The following PGM5 variants were observed in gnomAD, a reference collection of about 807,000 sequenced individuals.
PGM5 encodes the protein phosphoglucomutase-like protein 5.
In PGM5, 23 loss-of-function variants were observed where a neutral mutation model predicts 59.2. The ratio of observed to expected loss-of-function variants is 0.39; its 90% confidence interval spans 0.28 to 0.55. The LOEUF is 0.55. Among genes scored for constraint, PGM5 ranks in the 20% least tolerant of loss-of-function variants. The pLI, the probability that PGM5 is intolerant of heterozygous loss-of-function variation, is 0.66. For missense variants in PGM5, 574 were observed against 748.3 expected, an observed-to-expected ratio of 0.77 and a Z score of 2.72; for synonymous variants, 214 against 286.0, an observed-to-expected ratio of 0.75 and a Z score of 2.54.
intron 6 of PGM5, among the ~76,000 whole-genome samples, chr9:68,413,102 A>T (rs1822961671): frequency 6.6e-6 from 1 of 152,228 alleles, no homozygotes; most frequent in Non-Finnish European, 1.5e-5. Context: ...AATGGGTCAA[A>T]ATATGGACAT....
At chr9:68,498,956 GC>G in intron 9 of PGM5, 1 of 390,184 alleles carries the variant, frequency 2.6e-6, no homozygotes, top group Non-Finnish European at 4.7e-6. Context: ...CATATCACCA[GC>G]CCAAGAGAAC....
Position 68,528,044 on chromosome 9 carries a change from T to C in PGM5, c.1615-1523T>C, listed in dbSNP as rs181614986. Among the ~76,000 whole-genome samples the C allele has an allele frequency of 6.6e-5, 10 of 152,300 alleles. 1 individual carries two copies. The highest frequency in any genetic ancestry group is 2.6e-4 in the Admixed American group (4 of 15,296). ...TTTCCTTGTGTTCCTGTTGTGTGGATTGGAATGTGTGCACTCCCTTTATGC... is the reference window on the plus strand; with the variant it reads ...TTTCCTTGTGTTCCTGTTGTGTGGACTGGAATGTGTGCACTCCCTTTATGC... On this transcript the variant is annotated intron_variant, in intron 10 of 10. Transcript: ENST00000396396.
chr9:68,392,520 G>A (rs375794494), intron 6 of PGM5, 47 bp downstream of exon 6: 73 of 1,600,038 alleles, frequency 4.6e-5, no homozygotes, highest in African/African-American at 8.1e-5. Flanking sequence ...GACCTTTGGC[G>A]TTGATGTCTC....
At chr9:68,367,462 G>A (rs541925143) in intron 1 of PGM5, among the ~76,000 whole-genome samples, 2 of 152,312 alleles carry the variant, frequency 1.3e-5, no homozygotes, top group South Asian at 2.1e-4. Flanking sequence ...CTGCTGAGTC[G>A]TCTGAAAATG....
intron 4 of PGM5, among the ~76,000 whole-genome samples, chr9:68,390,097 G>T (rs1822326986): frequency 6.6e-6 from 1 of 151,784 alleles, no homozygotes; most frequent in South Asian, 2.1e-4. Flanking sequence ...TGGCTTTCTG[G>T]CATATTTAAG....
intron 6 of PGM5, among the ~76,000 whole-genome samples, chr9:68,422,891 C>G: frequency 6.6e-6 from 1 of 152,210 alleles, no homozygotes. Flanking sequence ...CCCTTTCCCC[C>G]GTGTCCCCAA....
intron 6 of PGM5, among the ~76,000 whole-genome samples, chr9:68,451,260 G>A (rs527887003): frequency 2.6e-4 from 39 of 152,278 alleles, no homozygotes; most frequent in Non-Finnish European, 4.4e-4. Context: ...GATTAACTGC[G>A]TAATTGAATA....
At chr9:68,379,095 C>T (rs572814213) in intron 2 of PGM5, among the ~76,000 whole-genome samples, 3 of 152,292 alleles carry the variant, frequency 2.0e-5, no homozygotes, top group Non-Finnish European at 2.9e-5. Context: ...TGCTGCATGA[C>T]TGTGCTAACA....
Position 68,394,783 on chromosome 9 carries a change from T to C in PGM5, c.1043+2310T>C, listed in dbSNP as rs532740239. 7.2e-5 allele frequency among the ~76,000 whole-genome samples: 11 copies of C among 151,972 alleles called. No individual in the cohort carries two copies. The East Asian group carries it at 1.4e-3, about 19-fold the overall frequency. ...CTACACATGCGCCATCATACCCAGTTAATTTTAAAAACATTTTTTGTAGAA... is the reference window on the plus strand; with the variant it reads ...CTACACATGCGCCATCATACCCAGTCAATTTTAAAAACATTTTTTGTAGAA... On this transcript the variant is annotated intron_variant, in intron 6 of 10. Coordinates refer to ENST00000396396, the MANE Select transcript of PGM5 (RefSeq NM_021965.4).
chr9:68,501,533 A>T (rs1824573221), intron 10 of PGM5, among the ~76,000 whole-genome samples: 1 of 152,070 alleles, frequency 6.6e-6, no homozygotes, highest in Non-Finnish European at 1.5e-5. Context: ...CCTTTGATTA[A>T]CTGTTGAACA....
intron 10 of PGM5, among the ~76,000 whole-genome samples, chr9:68,509,726 AGCTTGTTTGAATAATTTCAGCAG>A (rs1824716954): frequency 6.6e-6 from 1 of 152,146 alleles, no homozygotes; most frequent in African/African-American, 2.4e-5. Flanking sequence ...GTTTAGGATT[AGCTTGTTTGAATAATTTCAGCAG>A]GCTCTGGGGC....
chr9:68,359,885 C>A (rs1834545519), intron 1 of PGM5, among the ~76,000 whole-genome samples: 1 of 151,872 alleles, frequency 6.6e-6, no homozygotes. Flanking sequence ...ACTTTGTTGC[C>A]CAGGCTGGAG....
chr9:68,505,326 G>A (rs1824637371), intron 10 of PGM5, among the ~76,000 whole-genome samples: 1 of 152,126 alleles, frequency 6.6e-6, no homozygotes, highest in Non-Finnish European at 1.5e-5. Flanking sequence ...TCAATTCTGT[G>A]ATTCCCTGAC....
intron 9 of PGM5, among the ~76,000 whole-genome samples, chr9:68,486,111 C>T (rs1824290731): frequency 6.6e-6 from 1 of 152,160 alleles, no homozygotes; most frequent in South Asian, 2.1e-4. Context: ...AAACTATAGA[C>T]ATCTGAAAGA....
At chr9:68,529,416 G>T in intron 10 of PGM5, 151 bp from the exon 11 acceptor site, 1 of 640,540 alleles carries the variant, frequency 1.6e-6, no homozygotes, top group South Asian at 1.7e-5. Flanking sequence ...ACTACCATTG[G>T]TGGAGGAGGA....
intron 10 of PGM5, among the ~76,000 whole-genome samples, chr9:68,510,916 C>T (rs265083): frequency 0.17 from 26,110 of 152,178 alleles, 4,743 homozygotes; most frequent in African/African-American, 0.45. Context: ...GTTGAAAAAT[C>T]TAAGCTTTGT....
At chr9:68,476,716 C>A (rs1824111417) in intron 7 of PGM5, among the ~76,000 whole-genome samples, 1 of 152,174 alleles carries the variant, frequency 6.6e-6, no homozygotes, top group African/African-American at 2.4e-5. Flanking sequence ...TTAATCTTGG[C>A]AAATGTTTAA....
At chr9:68,508,012 G>A (rs1824685683) in intron 10 of PGM5, among the ~76,000 whole-genome samples, 1 of 152,080 alleles carries the variant, frequency 6.6e-6, no homozygotes, top group African/African-American at 2.4e-5. Context: ...ATGACAATAA[G>A]CCTTTTTCTT....
chr9:68,418,236 C>A (rs1279367999), intron 6 of PGM5, among the ~76,000 whole-genome samples: 1 of 152,160 alleles, frequency 6.6e-6, no homozygotes, highest in Non-Finnish European at 1.5e-5. Flanking sequence ...ACAAAAGTGT[C>A]CCATTTCACT....
Sources: gnomAD v4.1 joint callset for allele counts (sites outside exome capture counted in the v4.1 genomes callset) on GRCh38, gnomAD v4.1.1 for gene constraint, MANE v1.5 for transcripts, NCBI Gene and HGNC (gene_info 2026-07-23, HGNC 2026-07-21) for gene names.